Variants in USP24 observed in about 807,000 individuals in gnomAD.
USP24 encodes ubiquitin specific peptidase 24, also known as ubiquitin carboxyl-terminal hydrolase 24.
A neutral mutation model predicts 361.6 loss-of-function variants in USP24; 97 were observed. The ratio of observed to expected loss-of-function variants is 0.27; its 90% CI spans 0.23 to 0.32. The LOEUF (loss-of-function observed/expected upper bound fraction) is 0.32, where lower values mean the gene tolerates loss of function less well. Ranked by LOEUF, USP24 falls within the 10% of genes least tolerant of loss-of-function variation. USP24 has a pLI of 1.00. For missense variants in USP24, 2,353 were observed against 3,165.6 expected (o/e 0.74, Z 6.16); for synonymous variants, 1,098 against 1,124.6 (o/e 0.98, Z 0.47).
In USP24 at chr1:55,138,611, G is replaced by A. The variant is rs1313682900; in HGVS notation, c.2925C>T (p.Val975=). The A allele has an allele frequency of 3.7e-6, 6 of 1,604,244 alleles. No homozygotes were observed. The highest frequency in any genetic ancestry group is 3.3e-5 in the South Asian group (3 of 89,940). Reference sequence around the variant, plus strand: ...GTAGTTCTTAATGTAAACCTACCTCGACAGTGAAGGTATCTTTGGTAGACT... The same window carrying A: ...GTAGTTCTTAATGTAAACCTACCTCAACAGTGAAGGTATCTTTGGTAGACT... ...TYESTKDTFT[V]EAHSNETIGS... is the part of the protein sequence containing the mutation. The change falls in exon 26 of 68, where the codon GTC becomes GTT. Residue 975 remains valine (V), a synonymous_variant. Coordinates refer to ENST00000294383, the MANE Select transcript of USP24 (RefSeq NM_015306.3).
intron 38 of USP24, among the ~76,000 whole-genome samples, chr1:55,116,017 G>C (rs1333965932): frequency 6.6e-6 from 1 of 152,150 alleles, no homozygotes; most frequent in Non-Finnish European, 1.5e-5. Context: ...GAACCTGTCG[G>C]GGGGTGGGCA....
In USP24 at chr1:55,086,057, T is replaced by C. The variant is rs1194739328; in HGVS notation, c.6669-19A>G. The C allele has an allele frequency of 6.2e-7, 1 of 1,612,364 alleles. No homozygotes were observed. The highest frequency in any genetic ancestry group is 2.2e-5 in the East Asian group (1 of 44,872). ...GAAAATCCTGAAAGAAAGAGAAAGG[T>C]GGTGTGAAAAAGCAAGATACATTTC... On this transcript the variant is annotated intron_variant, in intron 55 of 67. Transcript: ENST00000294383.
In USP24 at chr1:55,173,389, C is replaced by T. The variant is rs1649642770; in HGVS notation, c.559-869G>A. On this transcript the variant is annotated intron_variant, in intron 3 of 67. Transcript: ENST00000294383. The stretch of plus-strand genomic sequence containing the variant: ...ATGGTACAAATCTTATAATTAGATA[C>T]TTTCTTAGATTCCTTAAAAAGTAGA... Among the ~76,000 whole-genome samples the T allele has an allele frequency of 3.9e-5, 6 of 152,188 alleles. No individual in the cohort carries two copies. In the South Asian group the frequency reaches 1.0e-3, roughly 26 times the overall value.
intron 55 of USP24, among the ~76,000 whole-genome samples, chr1:55,086,864 G>A (rs1045645136): frequency 6.6e-5 from 10 of 152,182 alleles, no homozygotes; most frequent in Admixed American, 6.5e-4. Context: ...TGGGGCCTGG[G>A]TACAGGAGAG....
At chr1:55,111,708 T>C (rs1645960036) in intron 38 of USP24, among the ~76,000 whole-genome samples, 1 of 152,146 alleles carries the variant, frequency 6.6e-6, no homozygotes, top group Admixed American at 6.5e-5. Flanking sequence ...AGCTTAAATC[T>C]TGATGGTAAA....
At chr1:55,071,519 TG>T (rs1644918264) in intron 67 of USP24, 1 of 1,169,644 alleles carries the variant, frequency 8.5e-7, no homozygotes, top group Non-Finnish European at 1.1e-6. Context: ...GTGAACAAGC[TG>T]GAACGAATCC....
intron 50 of USP24, among the ~76,000 whole-genome samples, chr1:55,095,619 T>C (rs536142382): frequency 6.6e-6 from 1 of 152,270 alleles, no homozygotes; most frequent in East Asian, 1.9e-4. Flanking sequence ...GGAAGTGATA[T>C]AGGTGGGGAC....
intron 26 of USP24, among the ~76,000 whole-genome samples, chr1:55,138,353 T>C (rs1249107222): frequency 6.6e-6 from 1 of 152,174 alleles, no homozygotes; most frequent in Non-Finnish European, 1.5e-5. Context: ...TGCATTCCCA[T>C]CTTATCACCC....
intron 3 of USP24, among the ~76,000 whole-genome samples, chr1:55,173,974 C>A (rs928310295): frequency 6.6e-6 from 1 of 152,146 alleles, no homozygotes; most frequent in Non-Finnish European, 1.5e-5. Flanking sequence ...GCAATTCTGC[C>A]TACATTCTAG....
chr1:55,135,095 C>T (rs985527210), intron 28 of USP24, among the ~76,000 whole-genome samples: 17 of 152,064 alleles, frequency 1.1e-4, no homozygotes, highest in Admixed American at 1.3e-4. Flanking sequence ...TATTTAGCTG[C>T]TATAATATCA....
At chr1:55,138,215 G>C (rs1204847931) in intron 26 of USP24, among the ~76,000 whole-genome samples, 2 of 152,002 alleles carry the variant, frequency 1.3e-5, no homozygotes, top group African/African-American at 4.8e-5. Flanking sequence ...CTTTGTACCT[G>C]TTCTTCCATT....
intron 41 of USP24, 32 bp from the exon 42 acceptor site, chr1:55,104,052 A>C (rs147454479): frequency 1.3e-4 from 198 of 1,574,164 alleles, no homozygotes; most frequent in Non-Finnish European, 1.6e-4. Flanking sequence ...CAATTTCAAC[A>C]ATGAATAATC....
At chr1:55,170,854 G>C (rs1228593851) in intron 5 of USP24, among the ~76,000 whole-genome samples, 1 of 152,012 alleles carries the variant, frequency 6.6e-6, no homozygotes, top group Non-Finnish European at 1.5e-5. Context: ...TCTTATTACT[G>C]TTTATATTAA....
At chr1:55,156,822 G>C in intron 12 of USP24, 126 bp downstream of exon 12, 3 of 622,954 alleles carry the variant, frequency 4.8e-6, no homozygotes, top group Non-Finnish European at 8.5e-6. Flanking sequence ...TGTAAAGTGG[G>C]TTAGGTACAG....
chr1:55,076,052 G>A (rs1173916092), intron 62 of USP24, among the ~76,000 whole-genome samples: 1 of 151,918 alleles, frequency 6.6e-6, no homozygotes, highest in Non-Finnish European at 1.5e-5. Flanking sequence ...AAAACTAAGA[G>A]AAAAAACTAT....
rs769512436 is a variant in USP24 at position 55,100,961 on chromosome 1, A to G, written c.5149T>C (p.Leu1717=). ...TCTGTGTCATCATCCACTGAAAGTAATGACTGCACAGAAAAGAAACATATC... is the reference window on the plus strand; with the variant it reads ...TCTGTGTCATCATCCACTGAAAGTAGTGACTGCACAGAAAAGAAACATATC... ...LYMQPGLPES[L]LSVDDDTDNP... is the part of the protein sequence containing the mutation. Residue 1717 remains leucine, a synonymous_variant, in exon 44 of 68, where the codon TTA becomes CTA. Coordinates refer to ENST00000294383, the MANE Select transcript of USP24 (RefSeq NM_015306.3). 12 of 1,608,002 alleles carry G rather than the reference A, an allele frequency of 7.5e-6. No homozygotes were observed. The highest frequency in any genetic ancestry group is 1.3e-5 in the African/African-American group (1 of 74,532).
In USP24 at chr1:55,138,994, T is replaced by C; in HGVS notation, c.2767A>G (p.Ile923Val). The C allele has an allele frequency of 6.2e-7, 1 of 1,612,014 alleles. No homozygotes were observed. Among genetic ancestry groups the C allele is most frequent in the Non-Finnish European group, 8.5e-7 (1 of 1,178,984 alleles). The change falls in exon 25 of 68, where the codon ATA (isoleucine) becomes GTA (valine). Residue 923 changes from isoleucine (I) to valine (V), a missense_variant. Ile to Val is a conservative substitution (Grantham distance 29). Transcript: ENST00000294383. ...QSPYRSTKLV[I>V]IERLLLLAER... ...GCCAGAAGCAGCAATCTCTCAATTA[T>C]TACAAGTTTAGTAGATCTATAGATT...
chr1:55,113,550 G>A (rs1308359806), intron 38 of USP24, among the ~76,000 whole-genome samples: 2 of 152,114 alleles, frequency 1.3e-5, no homozygotes, highest in African/African-American at 4.8e-5. Flanking sequence ...GCATCTTCCT[G>A]ATACCAAAAC....
At chr1:55,125,117 T>C (rs1646389770) in intron 34 of USP24, among the ~76,000 whole-genome samples, 1 of 25,082 alleles carries the variant, frequency 4.0e-5, no homozygotes, top group Non-Finnish European at 2.5e-4. Flanking sequence ...CAGAATGCTT[T>C]GTCTTGTAGT....
Sources: gnomAD v4.1 joint callset for allele counts (sites outside exome capture counted in the v4.1 genomes callset) on GRCh38, gnomAD v4.1.1 for gene constraint, MANE v1.5 for transcripts, NCBI Gene and HGNC (gene_info 2026-07-23, HGNC 2026-07-21) for gene names.